SLC35F4: variants seen among roughly 807,000 people sequenced by gnomAD.
SLC35F4 encodes chromosome 14 open reading frame 36.
SLC35F4 carries 24 observed loss-of-function variants against 44.2 expected under a neutral mutation model. The ratio of observed to expected loss-of-function variants is 0.54; its 90% CI spans 0.39 to 0.76. The LOEUF (loss-of-function observed/expected upper bound fraction) is 0.76. SLC35F4 is among the 30% of genes least tolerant of loss of function. The probability of loss-of-function intolerance (pLI) is 0.00; values close to 1 mark genes in which losing one functional copy is unlikely to be tolerated. For missense variants in SLC35F4, 562 were observed against 586.1 expected, an observed-to-expected ratio of 0.96 and a Z score of 0.42; for synonymous variants, 238 against 223.6, an observed-to-expected ratio of 1.06 and a Z score of -0.57.
At chr14:57,785,937 C>T (rs900688549) in intron 1 of SLC35F4, among the ~76,000 whole-genome samples, 6 of 152,048 alleles carry the variant, frequency 3.9e-5, no homozygotes, top group South Asian at 2.1e-4. Flanking sequence ...TGGGGGAGGG[C>T]GCAAATCCAG....
intron 1 of SLC35F4, among the ~76,000 whole-genome samples, chr14:57,604,939 C>A (rs1209127182): frequency 6.6e-6 from 1 of 152,110 alleles, no homozygotes; most frequent in African/African-American, 2.4e-5. Context: ...TACCTATCAC[C>A]ATATACAAAA....
chr14:57,944,665 GAGAA>G lies in SLC35F4; in HGVS notation n.282+37244_282+37247del, dbSNP rs72088715. On this transcript the variant is annotated intron_variant and non_coding_transcript_variant, in intron 1 of 1. Coordinates refer to the SLC35F4 transcript ENST00000556568. ...AAAGAGGCAGGAAGGGAGGGAGAGA[GAGAA>G]AGAAAGAAAAAGAAAAGAAAGAAAG... Among the ~76,000 whole-genome samples, 2,476 of 128,982 alleles carry G rather than the reference GAGAA, an allele frequency of 0.019. 247 individuals carry two copies. In the East Asian group the frequency reaches 0.32, roughly 17 times the overall value. 84.6% of individuals were successfully genotyped at this position (128,982 alleles called of 152,430 possible).
chr14:57,656,520 A>T (rs2073979551), intron 1 of SLC35F4, among the ~76,000 whole-genome samples: 1 of 151,972 alleles, frequency 6.6e-6, no homozygotes, highest in Non-Finnish European at 1.5e-5. Context: ...TACTATAGGA[A>T]CTCAGAGTTC....
intron 1 of SLC35F4, among the ~76,000 whole-genome samples, chr14:57,615,868 A>C (rs932664925): frequency 6.6e-6 from 1 of 152,212 alleles, no homozygotes; most frequent in Non-Finnish European, 1.5e-5. Flanking sequence ...GCTTTGCCTG[A>C]AAAGAACCTT....
chr14:57,787,490 A>C (rs1027735306), intron 1 of SLC35F4, among the ~76,000 whole-genome samples: 1 of 152,178 alleles, frequency 6.6e-6, no homozygotes, highest in African/African-American at 2.4e-5. Context: ...GAAGGAAAGA[A>C]TCTTAAGAGC....
intron 1 of SLC35F4, among the ~76,000 whole-genome samples, chr14:57,607,540 C>G (rs2071234517): frequency 6.6e-6 from 1 of 152,224 alleles, no homozygotes; most frequent in Non-Finnish European, 1.5e-5. Context: ...GCTCCACACT[C>G]ATAGAAGCCT....
intron 1 of SLC35F4, among the ~76,000 whole-genome samples, chr14:57,923,347 C>G (rs760550828): frequency 2.0e-5 from 3 of 152,194 alleles, no homozygotes; most frequent in Non-Finnish European, 2.9e-5. Context: ...TGTAGACTGA[C>G]TATTCTTCAG....
intron 1 of SLC35F4, among the ~76,000 whole-genome samples, chr14:57,921,356 A>G (rs1245116375): frequency 6.6e-6 from 1 of 152,230 alleles, no homozygotes; most frequent in East Asian, 1.9e-4. Flanking sequence ...AGGATCAGAA[A>G]AGGGCTAAAC....
chr14:57,869,259 C>T (rs75408441), upstream of SLC35F4, among the ~76,000 whole-genome samples: 5,179 of 151,358 alleles, frequency 0.034, 128 homozygotes, highest in Non-Finnish European at 0.054. Flanking sequence ...TGATCACTTA[C>T]AGTCCTTGTG....
At chr14:57,651,412 C>T (rs1283972273) in intron 1 of SLC35F4, among the ~76,000 whole-genome samples, 2 of 152,028 alleles carry the variant, frequency 1.3e-5, no homozygotes, top group South Asian at 2.1e-4. Context: ...TGCCTCCAGC[C>T]CCATGAAGCC....
intron 4 of SLC35F4, among the ~76,000 whole-genome samples, chr14:57,577,120 A>G (rs978376761): frequency 2.6e-5 from 4 of 152,240 alleles, no homozygotes; most frequent in Admixed American, 6.5e-5. Flanking sequence ...GGCAAGATGG[A>G]AACAAATTGT....
intron 1 of SLC35F4, among the ~76,000 whole-genome samples, chr14:57,786,385 C>T (rs1292865161): frequency 6.6e-6 from 1 of 152,174 alleles, no homozygotes; most frequent in African/African-American, 2.4e-5. Flanking sequence ...TACGGCCCCG[C>T]CCACTGCTGG....
At chr14:57,764,291 T>C (rs1050760705) in intron 1 of SLC35F4, among the ~76,000 whole-genome samples, 1 of 152,124 alleles carries the variant, frequency 6.6e-6, no homozygotes, top group African/African-American at 2.4e-5. Flanking sequence ...CATACCCTTT[T>C]GGTCTCCTTG....
intron 1 of SLC35F4, among the ~76,000 whole-genome samples, chr14:57,968,512 G>A (rs1880958687): frequency 6.6e-6 from 1 of 152,200 alleles, no homozygotes; most frequent in Non-Finnish European, 1.5e-5. Context: ...AGTGCTGCAA[G>A]TGCAATATAC....
At chr14:57,793,225 T>C (rs190362117) in intron 1 of SLC35F4, among the ~76,000 whole-genome samples, 210 of 152,184 alleles carry the variant, frequency 1.4e-3, no homozygotes, top group African/African-American at 4.6e-3. Context: ...TCCACCTTTT[T>C]TATGCTCATT....
intron 1 of SLC35F4, among the ~76,000 whole-genome samples, chr14:57,669,355 T>G (rs2140265153): frequency 6.6e-6 from 1 of 152,202 alleles, no homozygotes; most frequent in African/African-American, 2.4e-5. Flanking sequence ...TGACCAGAAC[T>G]TCCAACACTA....
intron 1 of SLC35F4, among the ~76,000 whole-genome samples, chr14:57,812,888 A>G (rs922325225): frequency 6.6e-6 from 1 of 152,202 alleles, no homozygotes; most frequent in African/African-American, 2.4e-5. Flanking sequence ...CTGAGACCAC[A>G]GGCCGTGACC....
chr14:57,709,122 G>A (rs1594850280), intron 1 of SLC35F4, among the ~76,000 whole-genome samples: 1 of 152,130 alleles, frequency 6.6e-6, no homozygotes, highest in Non-Finnish European at 1.5e-5. Context: ...CTGATGGCAG[G>A]CCCTCCACAA....
chr14:57,961,894 T>TG (rs1435726700), intron 1 of SLC35F4, among the ~76,000 whole-genome samples: 8 of 152,152 alleles, frequency 5.3e-5, no homozygotes, highest in Admixed American at 4.6e-4. Flanking sequence ...TAGCTCTTAT[T>TG]GTACTTACTT....
Sources: allele counts gnomAD v4.1 joint callset (sites outside exome capture counted in the v4.1 genomes callset), GRCh38; gene constraint gnomAD v4.1.1; transcripts MANE v1.5; gene names NCBI Gene and HGNC (gene_info 2026-07-23, HGNC 2026-07-21).